CNTNAP2: variants seen among roughly 807,000 people sequenced by gnomAD.
The protein encoded by CNTNAP2 is contactin-associated protein-like 2.
Under a neutral mutation model 155.2 loss-of-function variants are expected in CNTNAP2, and 98 were observed. The ratio of observed to expected loss-of-function variants is 0.63; its 90% CI spans 0.54 to 0.75. The LOEUF (loss-of-function observed/expected upper bound fraction) is 0.75, where lower values mean the gene tolerates loss of function less well. Ranked by LOEUF, CNTNAP2 falls within the 30% of genes least tolerant of loss-of-function variation. The pLI is 0.00. For synonymous variants in CNTNAP2, 651 were observed against 631.2 expected, an observed-to-expected ratio of 1.03 and a Z score of -0.47; for missense variants, 1,727 against 1,688.1, an observed-to-expected ratio of 1.02 and a Z score of -0.40.
At chr7:147,321,211 T>C (rs1795345319) in intron 9 of CNTNAP2, among the ~76,000 whole-genome samples, 2 of 152,138 alleles carry the variant, frequency 1.3e-5, no homozygotes, top group African/African-American at 4.8e-5. Context: ...AATGTCAAAC[T>C]ACCTTGAGGT....
At chr7:147,357,326 T>C (rs964638153) in intron 9 of CNTNAP2, among the ~76,000 whole-genome samples, 3 of 152,066 alleles carry the variant, frequency 2.0e-5, no homozygotes, top group Non-Finnish European at 2.9e-5. Context: ...TGAGTCCAGC[T>C]GTAGGGCCAG....
chr7:146,852,365 A>G (rs565801764), intron 3 of CNTNAP2, among the ~76,000 whole-genome samples: 2 of 152,162 alleles, frequency 1.3e-5, no homozygotes, highest in Admixed American at 6.5e-5. Flanking sequence ...CTACTTATAT[A>G]TGACTCTCTG....
chr7:146,151,708 A>AC (rs1798054671), intron 1 of CNTNAP2, among the ~76,000 whole-genome samples: 1 of 62,232 alleles, frequency 1.6e-5, no homozygotes, highest in East Asian at 2.8e-4. Flanking sequence ...GTATATATAT[A>AC]TATATGTATA....
chr7:148,062,474 G>T (rs1803176358), intron 15 of CNTNAP2, among the ~76,000 whole-genome samples: 1 of 152,004 alleles, frequency 6.6e-6, no homozygotes, highest in Non-Finnish European at 1.5e-5. Flanking sequence ...TTTCAGAACT[G>T]ATCATTTAGG....
At chr7:146,282,101 G>C (rs1800261656) in intron 1 of CNTNAP2, among the ~76,000 whole-genome samples, 1 of 152,198 alleles carries the variant, frequency 6.6e-6, no homozygotes, top group Non-Finnish European at 1.5e-5. Context: ...ACAGATGTAT[G>C]TTCATCAGTG....
At chr7:146,281,040 G>C (rs539932204) in intron 1 of CNTNAP2, among the ~76,000 whole-genome samples, 1 of 152,308 alleles carries the variant, frequency 6.6e-6, no homozygotes, top group Non-Finnish European at 1.5e-5. Flanking sequence ...CTGTGAGGAT[G>C]AGGGTTGACC....
chr7:146,415,297 A>G (rs938550974), intron 1 of CNTNAP2, among the ~76,000 whole-genome samples: 23 of 152,096 alleles, frequency 1.5e-4, no homozygotes. Flanking sequence ...TGAATTTTAA[A>G]ATGAATACTT....
At chr7:146,815,098 T>C (rs1241085489) in intron 2 of CNTNAP2, among the ~76,000 whole-genome samples, 1 of 152,200 alleles carries the variant, frequency 6.6e-6, no homozygotes, top group South Asian at 2.1e-4. Flanking sequence ...AGAGCATGTC[T>C]AGAAGATGGC....
intron 1 of CNTNAP2, among the ~76,000 whole-genome samples, chr7:146,148,782 C>T (rs992633855): frequency 6.6e-6 from 1 of 151,872 alleles, no homozygotes; most frequent in Non-Finnish European, 1.5e-5. Context: ...ACATTAAAAT[C>T]ATTGATAACA....
At chr7:147,024,292 C>T (rs1798862797) in intron 3 of CNTNAP2, among the ~76,000 whole-genome samples, 2 of 151,962 alleles carry the variant, frequency 1.3e-5, no homozygotes, top group South Asian at 2.1e-4. Context: ...GGTGGTTACA[C>T]GAATCTATGC....
At chr7:148,072,023 A>G (rs78284446) in intron 15 of CNTNAP2, among the ~76,000 whole-genome samples, 10,661 of 152,250 alleles carry the variant, frequency 0.07, 443 homozygotes, top group South Asian at 0.2. Flanking sequence ...TCATGTAAAC[A>G]ATTATCTTTC....
intron 1 of CNTNAP2, among the ~76,000 whole-genome samples, chr7:146,539,545 A>T (rs1234801105): frequency 6.6e-6 from 1 of 152,042 alleles, no homozygotes; most frequent in African/African-American, 2.4e-5. Context: ...ATGAAAAAAA[A>T]AATACATAGA....
chr7:146,989,022 C>T (rs1356448643), intron 3 of CNTNAP2, among the ~76,000 whole-genome samples: 1 of 152,150 alleles, frequency 6.6e-6, no homozygotes, highest in Non-Finnish European at 1.5e-5. Flanking sequence ...TCTTACACAC[C>T]TGTTCTTCTT....
At chr7:147,971,696 T>G (rs56322705) in intron 14 of CNTNAP2, among the ~76,000 whole-genome samples, 19,690 of 152,250 alleles carry the variant, frequency 0.13, 2,013 homozygotes, top group African/African-American at 0.29. Context: ...ATTCACTAGT[T>G]GATGGGCACT....
intron 22 of CNTNAP2, among the ~76,000 whole-genome samples, chr7:148,393,207 T>C (rs1170668715): frequency 6.6e-6 from 1 of 152,248 alleles, no homozygotes; most frequent in Non-Finnish European, 1.5e-5. Context: ...TAATCATTCC[T>C]GCTCTTATAA....
intron 1 of CNTNAP2, among the ~76,000 whole-genome samples, chr7:146,683,769 A>C (rs373031904): frequency 7.0e-4 from 106 of 152,338 alleles, no homozygotes; most frequent in African/African-American, 2.4e-3. Flanking sequence ...CACATGTGGC[A>C]TATAAGTGAT....
At chr7:146,721,042 C>CTATATATATACTCCATATATAT (rs1801288514) in intron 1 of CNTNAP2, among the ~76,000 whole-genome samples, 4 of 115,792 alleles carry the variant, frequency 3.5e-5, no homozygotes, top group African/African-American at 1.4e-4. Flanking sequence ...TCTATATATT[C>CTATATATATACTCCATATATAT]TATATATATA....
At chr7:147,980,408 A>G (rs1383157798) in intron 15 of CNTNAP2, among the ~76,000 whole-genome samples, 4 of 152,216 alleles carry the variant, frequency 2.6e-5, no homozygotes, top group Non-Finnish European at 5.9e-5. Context: ...CAGTATACTT[A>G]TAATTACTGT....
intron 9 of CNTNAP2, among the ~76,000 whole-genome samples, chr7:147,307,394 A>G (rs1441994243): frequency 6.6e-6 from 1 of 151,858 alleles, no homozygotes; most frequent in East Asian, 1.9e-4. Context: ...CCTGGCCAAT[A>G]TGATGAAACC....
Sources: allele counts gnomAD v4.1 joint callset (sites outside exome capture counted in the v4.1 genomes callset), GRCh38; gene constraint gnomAD v4.1.1; transcripts MANE v1.5; gene names NCBI Gene and HGNC (gene_info 2026-07-23, HGNC 2026-07-21).